Variants in XKR4 observed in about 807,000 individuals in gnomAD.
XKR4 encodes XK-related protein 4.
XKR4 carries 12 observed loss-of-function variants against 53.9 expected under a neutral mutation model. The ratio of observed to expected loss-of-function variants is 0.22; its 90% confidence interval spans 0.14 to 0.36. The LOEUF (loss-of-function observed/expected upper bound fraction) is 0.36. Ranked by LOEUF, XKR4 falls within the 10% of genes least tolerant of loss-of-function variation. The pLI, the probability that XKR4 is intolerant of heterozygous loss-of-function variation, is 1.00. For synonymous variants in XKR4, 354 were observed against 362.4 expected, an observed-to-expected ratio of 0.98 and a Z score of 0.26; for missense variants, 799 against 859.5, an observed-to-expected ratio of 0.93 and a Z score of 0.88.
At chr8:55,190,774 C>G (rs780905292) in intron 1 of XKR4, among the ~76,000 whole-genome samples, 9 of 152,200 alleles carry the variant, frequency 5.9e-5, no homozygotes, top group Non-Finnish European at 1.2e-4. Context: ...AGAGGAATGC[C>G]AGGGTCCAGA....
In XKR4 at chr8:55,103,072, T is replaced by C. The variant is rs1198763818; in HGVS notation, c.584T>C (p.Val195Ala). Residue 195 changes from valine to alanine, a missense_variant, in exon 1 of 3, where the codon GTG becomes GCG. Coordinates refer to ENST00000327381, the MANE Select transcript of XKR4 (RefSeq NM_052898.2). ...CAGCCTGGAGCCGATTGCAAGACGGTGGTCGGCGGTGGGTCTGCAGCCGGG... is the reference window on the plus strand; with the variant it reads ...CAGCCTGGAGCCGATTGCAAGACGGCGGTCGGCGGTGGGTCTGCAGCCGGG... ...CPQPGADCKT[V>A]VGGGSAAGEG... is the part of the protein sequence containing the mutation. 5.0e-6 allele frequency: 8 copies of C among 1,612,726 alleles called. No individual in the cohort carries two copies. The South Asian group carries it at 8.8e-5, about 18-fold the overall frequency.
In XKR4 at chr8:55,103,192, G is replaced by C; in HGVS notation, c.704G>C (p.Gly235Ala). The C allele has an allele frequency of 6.2e-7, 1 of 1,614,040 alleles. No homozygotes were observed. Among genetic ancestry groups the C allele is most frequent in the Admixed American group, 1.7e-5 (1 of 60,032 alleles). Reference sequence around the variant, plus strand: ...GCCAACAGCGGCAGCAACAGCAGCGGGGCTACCCGGGCCAGTGGCAAGCAC... The same window carrying C: ...GCCAACAGCGGCAGCAACAGCAGCGCGGCTACCCGGGCCAGTGGCAAGCAC... ...AAANSGSNSS[G>A]ATRASGKHRS... Residue 235 changes from glycine to alanine, a missense_variant, in exon 1 of 3, where the codon GGG becomes GCG. Around this residue, in one of 3 missense-constraint regions of XKR4, gnomAD observed 476 missense variants for 505.4 expected, o/e 0.94. Coordinates refer to ENST00000327381, the MANE Select transcript of XKR4 (RefSeq NM_052898.2).
intron 2 of XKR4, chr8:55,452,145 A>G: frequency 1.4e-6 from 1 of 706,532 alleles, no homozygotes. Context: ...TGTGTACCGC[A>G]GCTTATGCAG....
chr8:55,269,071 A>G (rs371438717), intron 1 of XKR4, among the ~76,000 whole-genome samples: 43 of 152,184 alleles, frequency 2.8e-4, no homozygotes, highest in African/African-American at 9.9e-4. Flanking sequence ...TACAGCTTCT[A>G]CTGTGCGTGG....
chr8:55,441,635 G>A (rs921718818), intron 2 of XKR4, among the ~76,000 whole-genome samples: 1 of 152,102 alleles, frequency 6.6e-6, no homozygotes, highest in Non-Finnish European at 1.5e-5. Context: ...ATATTTCAGA[G>A]TTGGTTTCAC....
intron 1 of XKR4, among the ~76,000 whole-genome samples, chr8:55,329,992 A>G (rs1385143057): frequency 3.9e-5 from 6 of 152,176 alleles, no homozygotes; most frequent in Non-Finnish European, 5.9e-5. Flanking sequence ...CTCAGGGTTA[A>G]TTCTAGGATT....
chr8:55,439,050 A>G (rs1805227665), intron 2 of XKR4, among the ~76,000 whole-genome samples: 1 of 152,310 alleles, frequency 6.6e-6, no homozygotes, highest in African/African-American at 2.4e-5. Context: ...ACCTTGCGTA[A>G]TTCAGCCTAG....
At chr8:55,388,790 G>A (rs1804391586) in intron 2 of XKR4, among the ~76,000 whole-genome samples, 1 of 152,170 alleles carries the variant, frequency 6.6e-6, no homozygotes, top group Non-Finnish European at 1.5e-5. Context: ...AGGATAGTGA[G>A]CTCTACTAAT....
chr8:55,438,718 A>G (rs1225353046), intron 2 of XKR4, among the ~76,000 whole-genome samples: 2 of 152,202 alleles, frequency 1.3e-5, no homozygotes, highest in South Asian at 2.1e-4. Context: ...ATATAAAGAA[A>G]GAAAACCCTC....
At chr8:55,296,133 TCCA>T (rs1036016363) in intron 1 of XKR4, among the ~76,000 whole-genome samples, 4 of 152,232 alleles carry the variant, frequency 2.6e-5, no homozygotes, top group African/African-American at 9.6e-5. Flanking sequence ...TGGTCACACC[TCCA>T]CCATGTGATG....
At chr8:55,315,345 C>G (rs1819457931) in intron 1 of XKR4, among the ~76,000 whole-genome samples, 1 of 152,082 alleles carries the variant, frequency 6.6e-6, no homozygotes, top group Non-Finnish European at 1.5e-5. Context: ...GGTTTTCCGC[C>G]CAGCCTTGGT....
intron 1 of XKR4, among the ~76,000 whole-genome samples, chr8:55,222,845 T>A (rs1023899738): frequency 3.8e-4 from 57 of 151,960 alleles, no homozygotes; most frequent in African/African-American, 1.3e-3. Flanking sequence ...ATTTTTTTTT[T>A]AAAGAATATA....
chr8:55,376,945 A>AAC (rs1158789835), intron 2 of XKR4, among the ~76,000 whole-genome samples: 4 of 91,460 alleles, frequency 4.4e-5, no homozygotes, highest in East Asian at 4.9e-4. Flanking sequence ...CACACACACA[A>AAC]ACACACACTC....
intron 1 of XKR4, among the ~76,000 whole-genome samples, chr8:55,232,893 C>G (rs1304233388): frequency 6.6e-6 from 1 of 152,328 alleles, no homozygotes; most frequent in South Asian, 2.1e-4. Context: ...CTCTTCCACT[C>G]TCTCTGTTCT....
intron 1 of XKR4, among the ~76,000 whole-genome samples, chr8:55,123,524 TG>T (rs558844026): frequency 5.9e-5 from 9 of 152,208 alleles, no homozygotes; most frequent in Non-Finnish European, 1.2e-4. Context: ...CTTCAGTCCA[TG>T]ATGACACTGC....
At chr8:55,287,716 C>G (rs947073237) in intron 1 of XKR4, among the ~76,000 whole-genome samples, 1 of 152,206 alleles carries the variant, frequency 6.6e-6, no homozygotes, top group Non-Finnish European at 1.5e-5. Flanking sequence ...TTCCTGTCTT[C>G]GCCATCCCCG....
chr8:55,303,907 G>T (rs1423801928), intron 1 of XKR4, among the ~76,000 whole-genome samples: 1 of 151,856 alleles, frequency 6.6e-6, no homozygotes, highest in African/African-American at 2.4e-5. Flanking sequence ...TCTTAGTCTT[G>T]CTAGTGGTCT....
chr8:55,103,045 C>A lies in XKR4; in HGVS notation c.557C>A (p.Pro186Gln). The A allele has an allele frequency of 6.2e-7, 1 of 1,612,638 alleles. No individual in the cohort carries two copies. Reference sequence around the variant, plus strand: ...ACGGCCGCTGCTGCCTCCAGCTGCCCGCAGCCTGGAGCCGATTGCAAGACG... The same window carrying A: ...ACGGCCGCTGCTGCCTCCAGCTGCCAGCAGCCTGGAGCCGATTGCAAGACG... ...SATAAAASSC[P>Q]QPGADCKTVV... is the part of the protein sequence containing the mutation. Residue 186 changes from proline (P) to glutamine (Q), a missense_variant, in exon 1 of 3, where the codon CCG becomes CAG. Around this residue, in one of 3 missense-constraint regions of XKR4, gnomAD observed 476 missense variants for 505.4 expected, o/e 0.94. Transcript: ENST00000327381.
chr8:55,245,826 G>A (rs1018458267), intron 1 of XKR4, among the ~76,000 whole-genome samples: 5 of 152,148 alleles, frequency 3.3e-5, no homozygotes, highest in East Asian at 1.9e-4. Flanking sequence ...TGGGTGCCAT[G>A]GCTCATGCTG....
Sources: allele counts gnomAD v4.1 joint callset (sites outside exome capture counted in the v4.1 genomes callset), GRCh38; gene constraint gnomAD v4.1.1; regional missense constraint gnomAD v4.1.1; transcripts MANE v1.5; gene names NCBI Gene and HGNC (gene_info 2026-07-23, HGNC 2026-07-21).